CHST15: variants seen among roughly 807,000 people sequenced by gnomAD.
CHST15 encodes the protein carbohydrate sulfotransferase 15.
In CHST15, 30 loss-of-function variants were observed where a neutral mutation model predicts 53.6. That is an observed-to-expected ratio of 0.56 (90% CI 0.42 to 0.76). The LOEUF (loss-of-function observed/expected upper bound fraction) is 0.76, where lower values mean the gene tolerates loss of function less well. Ranked by LOEUF, CHST15 falls within the 30% of genes least tolerant of loss-of-function variation. The pLI is 0.00. For synonymous variants in CHST15, 296 were observed against 289.8 expected (o/e 1.02, Z -0.22); for missense variants, 627 against 740.5 (o/e 0.85, Z 1.78).
At chr10:124,021,039 G>A in intron 6 of CHST15, 1 of 1,433,648 alleles carries the variant, frequency 7.0e-7, no homozygotes. Flanking sequence ...GGAGGTGGCA[G>A]GTGACCAGCA....
intron 5 of CHST15, among the ~76,000 whole-genome samples, chr10:124,034,356 G>T (rs1947339691): frequency 6.6e-6 from 1 of 152,144 alleles, no homozygotes; most frequent in Non-Finnish European, 1.5e-5. Flanking sequence ...GGCAGACTCA[G>T]GCTGGGGTAA....
chr10:124,021,695 C>T (rs1946797131), intron 5 of CHST15, among the ~76,000 whole-genome samples: 1 of 152,134 alleles, frequency 6.6e-6, no homozygotes, highest in African/African-American at 2.4e-5. Context: ...CTCAGGCAGC[C>T]TCTGTTTTCA....
At chr10:124,028,112 G>T (rs762264247) in intron 5 of CHST15, among the ~76,000 whole-genome samples, 2 of 152,220 alleles carry the variant, frequency 1.3e-5, no homozygotes, top group Non-Finnish European at 2.9e-5. Flanking sequence ...ATAAACGTGA[G>T]GAACTCCAAT....
Position 124,021,239 on chromosome 10 carries a change from G to C in CHST15, c.1347+17C>G, listed in dbSNP as rs773779918. ...CCAGGGGCCAGCTCGGGGGGTACGG[G>C]GGGGGGGGGTACACACAGGCATGGC... On this transcript the variant is annotated intron_variant, in intron 6 of 7. Transcript: ENST00000435907. The C allele has an allele frequency of 4.6e-5, 66 of 1,441,676 alleles. No individual in the cohort carries two copies. Among genetic ancestry groups the C allele is most frequent in the Middle Eastern group, 1.9e-4 (1 of 5,352 alleles). 89.3% of individuals were successfully genotyped at this position (1,441,676 alleles called of 1,614,324 possible). A position where few individuals can be genotyped will look rare whatever the true frequency, so the allele number is the denominator to read the frequency against.
intron 3 of CHST15, among the ~76,000 whole-genome samples, chr10:124,044,345 G>A (rs890602794): frequency 6.6e-6 from 1 of 152,220 alleles, no homozygotes; most frequent in Admixed American, 6.5e-5. Context: ...AAGAAGAGCT[G>A]CCAGTTCTGA....
At chr10:124,017,181 T>A (rs1043880755) in intron 6 of CHST15, among the ~76,000 whole-genome samples, 5 of 151,880 alleles carry the variant, frequency 3.3e-5, no homozygotes, top group Admixed American at 6.6e-5. Flanking sequence ...GGGTCAGGAG[T>A]TCCCCCCTGC....
At chr10:124,025,906 A>G (rs1359504103) in intron 5 of CHST15, among the ~76,000 whole-genome samples, 1 of 152,146 alleles carries the variant, frequency 6.6e-6, no homozygotes, top group East Asian at 1.9e-4. Flanking sequence ...TAGGGCCACC[A>G]GAGGGAACCA....
intron 3 of CHST15, among the ~76,000 whole-genome samples, chr10:124,043,042 G>T (rs999037868): frequency 1.3e-5 from 2 of 152,142 alleles, no homozygotes; most frequent in Non-Finnish European, 2.9e-5. Flanking sequence ...TCTGGCATCG[G>T]CCACATACAG....
At chr10:124,087,811 C>T (rs1016724868) in intron 1 of CHST15, among the ~76,000 whole-genome samples, 2 of 151,906 alleles carry the variant, frequency 1.3e-5, no homozygotes, top group African/African-American at 4.8e-5. Flanking sequence ...CACCTAGAGC[C>T]ACGCGGTCTC....
At chr10:124,031,811 G>A (rs1318161867) in intron 5 of CHST15, among the ~76,000 whole-genome samples, 6 of 152,070 alleles carry the variant, frequency 3.9e-5, no homozygotes, top group Non-Finnish European at 7.3e-5. Flanking sequence ...CCATTTTACC[G>A]ATGAGAAAAT....
At position 124,024,623 on chromosome 10, in the gene CHST15, C is replaced by T. The variant is rs1383588354; in HGVS notation, c.1191-3211G>A. Among the ~76,000 whole-genome samples the T allele has an allele frequency of 6.6e-6, 1 of 152,236 alleles. No individual in the cohort carries two copies. Among genetic ancestry groups the T allele is most frequent in the African/African-American group, 2.4e-5 (1 of 41,462 alleles). ...CCACATCAGCTTATTACTGGTGTCC[C>T]CAACATCACCTGTGCTATTTTCCTT... On this transcript the variant is annotated intron_variant, in intron 5 of 7. Transcript: ENST00000435907. The surrounding 1 kb of genome is among the most constrained non-coding windows in gnomAD (Gnocchi z 4.0).
intron 1 of CHST15, among the ~76,000 whole-genome samples, chr10:124,069,203 G>A (rs1339053145): frequency 4.6e-5 from 7 of 152,214 alleles, no homozygotes; most frequent in African/African-American, 1.2e-4. Context: ...TCAACATCCC[G>A]TTTGAGTTCC....
intron 6 of CHST15, among the ~76,000 whole-genome samples, chr10:124,014,626 C>T (rs2133829612): frequency 6.6e-6 from 1 of 152,334 alleles, no homozygotes; most frequent in South Asian, 2.1e-4. Flanking sequence ...CCTCCCGGGG[C>T]TTTTCAGTTG....
Position 124,019,440 on chromosome 10 carries a change from A to T in CHST15, c.1347+1816T>A, listed in dbSNP as rs1331737927. ...AAGCTGTGCTGGTCAAGCCACACAC[A>T]AATAGAGTTTCTCCGAGACCCTGTG... On this transcript the variant is annotated intron_variant, in intron 6 of 7. Transcript: ENST00000435907. This position sits in a 1 kb window ranked among gnomAD's most constrained non-coding sequence, Gnocchi z 4.6. 6.6e-6 allele frequency among the ~76,000 whole-genome samples: 1 copy of T among 152,164 alleles called. No homozygotes were observed. The highest frequency in any genetic ancestry group is 1.5e-5 in the Non-Finnish European group (1 of 68,022).
chr10:124,037,999 A>C (rs1156411031), intron 5 of CHST15, among the ~76,000 whole-genome samples: 1 of 152,174 alleles, frequency 6.6e-6, no homozygotes, highest in Non-Finnish European at 1.5e-5. Flanking sequence ...GGTTAAGAAA[A>C]CCATCTGCAA....
intron 4 of CHST15, among the ~76,000 whole-genome samples, chr10:124,041,140 A>G (rs1947720471): frequency 6.6e-6 from 1 of 152,368 alleles, no homozygotes; most frequent in South Asian, 2.1e-4. Flanking sequence ...AAGAAAAAAA[A>G]GAGTTAAGTC....
chr10:124,045,137 A>AAAAAAAAAAAAAAAAAAAAAAAC (rs1947944317), intron 2 of CHST15, among the ~76,000 whole-genome samples: 1 of 144,366 alleles, frequency 6.9e-6, no homozygotes, highest in Non-Finnish European at 1.5e-5. Flanking sequence ...AAAAAAAAAA[A>AAAAAAAAAAAAAAAAAAAAAAAC]AAAAAAACTT....
chr10:124,077,149 T>C (rs945843519), intron 1 of CHST15, among the ~76,000 whole-genome samples: 1 of 152,254 alleles, frequency 6.6e-6, no homozygotes, highest in African/African-American at 2.4e-5. Context: ...TTCTCATTCC[T>C]GGTATATGTT....
Position 124,044,773 on chromosome 10 carries a change from G to A in CHST15, c.693C>T (p.Ala231=). 1.2e-6 allele frequency: 2 copies of A among 1,611,798 alleles called. No individual in the cohort carries two copies. The highest frequency in any genetic ancestry group is 1.1e-5 in the South Asian group (1 of 90,800). The change falls in exon 3 of 8, where the codon GCC becomes GCT. Residue 231 remains alanine, a synonymous_variant. Transcript: ENST00000435907. ...YSKRFRSTFD[A]LRKAFWGHLA... is the part of the protein sequence containing the mutation. The stretch of plus-strand genomic sequence containing the variant: ...GGTGGCCCCAGAAGGCCTTGCGCAG[G>A]GCGTCGAAGGTGGAGCGGAAGCGCT...
Sources: gnomAD v4.1 joint callset for allele counts (sites outside exome capture counted in the v4.1 genomes callset) on GRCh38, gnomAD v4.1.1 for gene constraint, Gnocchi (gnomAD v3.1) non-coding constraint, MANE v1.5 for transcripts, NCBI Gene and HGNC (gene_info 2026-07-23, HGNC 2026-07-21) for gene names.